ASAH2: variants seen among roughly 807,000 people sequenced by gnomAD.
The protein encoded by ASAH2 is N-acylsphingosine amidohydrolase 2.
In ASAH2, 58 loss-of-function variants were observed where a neutral mutation model predicts 82.9. That is an observed-to-expected ratio of 0.70 (90% CI 0.57 to 0.87). The LOEUF (loss-of-function observed/expected upper bound fraction) is 0.87, where lower values mean the gene tolerates loss of function less well. Among genes scored for constraint, ASAH2 ranks in the 40% least tolerant of loss-of-function variants. The probability of loss-of-function intolerance (pLI) is 0.00; values close to 1 mark genes in which losing one functional copy is unlikely to be tolerated. For synonymous variants in ASAH2, 276 were observed against 289.7 expected (o/e 0.95, Z 0.48); for missense variants, 779 against 834.0 (o/e 0.93, Z 0.81).
At chr10:50,199,016 ACG>A (rs1160528908) in intron 17 of ASAH2, 33 bp downstream of exon 17, 1 of 1,586,504 alleles carries the variant, frequency 6.3e-7, no homozygotes, top group Non-Finnish European at 8.6e-7. Context: ...ACACACACGC[ACG>A]CGCGCATGCA....
chr10:50,231,489 C>T (rs997230646), intron 7 of ASAH2, among the ~76,000 whole-genome samples: 30 of 152,264 alleles, frequency 2.0e-4, no homozygotes, highest in Middle Eastern at 3.4e-3. Flanking sequence ...TGCTGGTCAT[C>T]TGATTCATGT....
intron 1 of ASAH2, among the ~76,000 whole-genome samples, chr10:50,250,525 T>A (rs1044573115): frequency 2.3e-4 from 35 of 152,180 alleles, no homozygotes; most frequent in African/African-American, 7.5e-4. Flanking sequence ...ATCTAAGACA[T>A]GCCTCTGAAC....
chr10:50,220,680 A>C (rs1845719631), intron 7 of ASAH2, among the ~76,000 whole-genome samples: 2 of 152,222 alleles, frequency 1.3e-5, no homozygotes, highest in Non-Finnish European at 2.9e-5. Flanking sequence ...ACTAGGCTTA[A>C]TACCTGGGCG....
chr10:50,225,720 C>A (rs977030720), intron 7 of ASAH2, among the ~76,000 whole-genome samples: 31 of 152,240 alleles, frequency 2.0e-4, no homozygotes, highest in Admixed American at 2.0e-3. Flanking sequence ...AAAATATAAA[C>A]ATTCTCTTTG....
chr10:50,248,574 G>A lies in ASAH2; in HGVS notation c.37C>T (p.Leu13=), dbSNP rs1437874097. Residue 13 remains leucine, a synonymous_variant, in exon 2 of 21, where the codon CTG becomes TTG. Transcript: ENST00000682911. ...KRTFSNLETF[L]IFLLVMMSAI... ...CTCATCATTACAAGGAGGAAAATCA[G>A]GAATGTCTCCAAGTTAGAGAAGGTG... The A allele has an allele frequency of 6.2e-7, 1 of 1,613,694 alleles. No homozygotes were observed. The highest frequency in any genetic ancestry group is 1.3e-5 in the African/African-American group (1 of 75,036).
intron 2 of ASAH2, among the ~76,000 whole-genome samples, chr10:50,247,625 G>A (rs1269328684): frequency 6.6e-6 from 1 of 151,946 alleles, no homozygotes; most frequent in Non-Finnish European, 1.5e-5. Flanking sequence ...GCTACAAAAG[G>A]GAAAACTGAG....
At chr10:50,189,208 T>C (rs1414989634) in intron 20 of ASAH2, among the ~76,000 whole-genome samples, 1 of 146,010 alleles carries the variant, frequency 6.8e-6, no homozygotes, top group African/African-American at 2.7e-5. Context: ...AGTTAGATTT[T>C]ACAAATAATA....
In ASAH2 at chr10:50,245,429, G is replaced by T. The variant is rs188096471; in HGVS notation, c.153C>A (p.Thr51=). ...HKDLGGHFFS[T]TQSPPATQGS... ...CCTGGGTGGCTGGAGGGCTTTGGGT[G>T]GTTGAAAAAAAATGGCCTCCTAAAT... Residue 51 remains threonine, a synonymous_variant, in exon 3 of 21, where the codon ACC becomes ACA. Transcript: ENST00000682911. The T allele has an allele frequency of 1.9e-6, 3 of 1,611,932 alleles. No homozygotes were observed. Among genetic ancestry groups the T allele is most frequent in the Non-Finnish European group, 2.5e-6 (3 of 1,179,420 alleles).
In ASAH2 at chr10:50,214,815, G is replaced by C; in HGVS notation, c.1068C>G (p.Asn356Lys). The C allele has an allele frequency of 1.2e-6, 2 of 1,613,776 alleles. No homozygotes were observed. The highest frequency in any genetic ancestry group is 1.7e-6 in the Non-Finnish European group (2 of 1,179,702). The stretch of plus-strand genomic sequence containing the variant: ...TGTTGATGCAACGTGGTCCAAGAAT[G>C]TTGGGGGACACATCTCCTAGGTTTG... ...ASSNLGDVSP[N>K]ILGPRCINTG... Residue 356 changes from asparagine to lysine, a missense_variant, in exon 9 of 21, where the codon AAC (asparagine) becomes AAG (lysine). Asn to Lys is a moderately conservative substitution (Grantham distance 94). Coordinates refer to ENST00000682911, the MANE Select transcript of ASAH2 (RefSeq NM_019893.4).
chr10:50,206,222 A>G (rs1272394199), intron 12 of ASAH2, 125 bp from the exon 13 acceptor site: 1 of 778,550 alleles, frequency 1.3e-6, no homozygotes, highest in African/African-American at 1.7e-5. Flanking sequence ...GTTGTTGTTC[A>G]ATGATTCCAA....
chr10:50,211,127 T>C lies in ASAH2; in HGVS notation c.1235A>G (p.Tyr412Cys), dbSNP rs1845444315. 6.2e-7 allele frequency: 1 copy of C among 1,611,272 alleles called. No individual in the cohort carries two copies. The highest frequency in any genetic ancestry group is 8.5e-7 in the Non-Finnish European group (1 of 1,177,652). ...TGTTACCTCCTGGGAGGCAGAGGCA[T>C]AGAGTTCCTAGAAAACACACAGGCT... ...RAMYQRAKEL[Y>C]ASASQEVTGP... The change falls in exon 11 of 21, where the codon TAT becomes TGT. Residue 412 changes from tyrosine to cysteine, a missense_variant. Physicochemically the swap from Tyr to Cys is radical, Grantham distance 194. This residue lies in a region of ASAH2 where 759 missense variants were observed against 755.2 expected (regional missense o/e 1.00). Transcript: ENST00000682911.
chr10:50,200,971 A>T (rs1442521501), intron 16 of ASAH2, among the ~76,000 whole-genome samples: 2 of 151,720 alleles, frequency 1.3e-5, no homozygotes, highest in Admixed American at 1.3e-4. Flanking sequence ...CCTATCCTGT[A>T]CCCATATAAA....
intron 1 of ASAH2, among the ~76,000 whole-genome samples, chr10:50,248,934 T>G (rs1846543946): frequency 2.0e-5 from 3 of 152,240 alleles, no homozygotes; most frequent in Admixed American, 2.0e-4. Context: ...AAAATCTATT[T>G]GCATTCCTCA....
intron 7 of ASAH2, among the ~76,000 whole-genome samples, chr10:50,229,673 C>G (rs1394223824): frequency 1.3e-5 from 2 of 152,188 alleles, no homozygotes; most frequent in Non-Finnish European, 2.9e-5. Context: ...CTGTTGACCT[C>G]TGCACTCCAG....
Position 50,203,693 on chromosome 10 carries a change from A to T in ASAH2, c.1626-14T>A. On this transcript the variant is annotated splice_polypyrimidine_tract_variant and intron_variant, in intron 14 of 20. Transcript: ENST00000682911. ...CCAGACATGGTCCTGAGTCAAGAAAAAAATTATGTAAACGTTTTCCTACTA... is the reference window on the plus strand; with the variant it reads ...CCAGACATGGTCCTGAGTCAAGAAATAAATTATGTAAACGTTTTCCTACTA... The T allele has an allele frequency of 6.2e-7, 1 of 1,611,942 alleles. No individual in the cohort carries two copies. Among genetic ancestry groups the T allele is most frequent in the Non-Finnish European group, 8.5e-7 (1 of 1,178,282 alleles).
At chr10:50,228,306 G>A (rs1845940459) in intron 7 of ASAH2, among the ~76,000 whole-genome samples, 1 of 152,126 alleles carries the variant, frequency 6.6e-6, no homozygotes, top group South Asian at 2.1e-4. Context: ...TTGGTAGAGG[G>A]CAGTCACTAA....
chr10:50,222,757 C>A (rs1319928912), intron 7 of ASAH2, among the ~76,000 whole-genome samples: 10 of 152,122 alleles, frequency 6.6e-5, no homozygotes, highest in African/African-American at 2.2e-4. Context: ...GCAAACTTGT[C>A]ACAGCAACCA....
At chr10:50,208,202 T>C (rs969513269) in intron 12 of ASAH2, among the ~76,000 whole-genome samples, 1 of 152,004 alleles carries the variant, frequency 6.6e-6, no homozygotes, top group East Asian at 1.9e-4. Context: ...AACATTATAG[T>C]TAATGATGAA....
chr10:50,206,537 T>TACAAACAC (rs1845302297), intron 12 of ASAH2, among the ~76,000 whole-genome samples: 1 of 130,736 alleles, frequency 7.6e-6, no homozygotes, highest in Non-Finnish European at 1.6e-5. Context: ...TTTAGTTATC[T>TACAAACAC]ACACACACAC....
Sources: allele counts gnomAD v4.1 joint callset (sites outside exome capture counted in the v4.1 genomes callset), GRCh38; gene constraint gnomAD v4.1.1; regional missense constraint gnomAD v4.1.1; transcripts MANE v1.5; gene names NCBI Gene and HGNC (gene_info 2026-07-23, HGNC 2026-07-21).